Variants in ABCA8 observed in about 807,000 individuals in gnomAD.
ABCA8 encodes the protein ABC-type organic anion transporter ABCA8.
In ABCA8, 177 loss-of-function variants were observed where a neutral mutation model predicts 192.3. That is an observed-to-expected ratio of 0.92 (90% confidence interval 0.81 to 1.04). The LOEUF is 1.04. ABCA8 is among the 50% of genes least tolerant of loss of function. The pLI is 0.00. For synonymous variants in ABCA8, 642 were observed against 690.2 expected, an observed-to-expected ratio of 0.93 and a Z score of 1.09; for missense variants, 1,915 against 1,904.8, an observed-to-expected ratio of 1.01 and a Z score of -0.10.
intron 32 of ABCA8, chr17:68,879,297 G>T (rs1425252832): frequency 6.6e-6 from 1 of 152,304 alleles, no homozygotes; most frequent in South Asian, 2.1e-4. Context: ...TTTTATGAAA[G>T]ATTAAATATT....
In ABCA8 at chr17:68,926,640, C is replaced by T. The variant is rs142801531; in HGVS notation, c.1273+1276G>A. ...CTGGAAAAAATCAAATGAAAACATA[C>T]CATATTCAAACAATTCTAATTGTGT... is the stretch of plus-strand genomic sequence containing the variant. On this transcript the variant is annotated intron_variant, in intron 10 of 39. Coordinates refer to ENST00000586539, the MANE Select transcript of ABCA8 (RefSeq NM_001288985.2). Among the ~76,000 whole-genome samples, 82 of 152,210 alleles carry T rather than the reference C, an allele frequency of 5.4e-4. No homozygotes were observed. The East Asian group carries it at 0.011, about 21-fold the overall frequency.
intron 2 of ABCA8, among the ~76,000 whole-genome samples, chr17:68,948,916 G>A (rs2068491246): frequency 6.6e-6 from 1 of 152,072 alleles, no homozygotes; most frequent in South Asian, 2.1e-4. Flanking sequence ...GTTAATTTTT[G>A]TATAAGGTGT....
intron 18 of ABCA8, among the ~76,000 whole-genome samples, chr17:68,906,929 G>T (rs1479824306): frequency 6.6e-6 from 1 of 152,054 alleles, no homozygotes; most frequent in African/African-American, 2.4e-5. Flanking sequence ...TAATACTAGG[G>T]TGATTACAGA....
In ABCA8 at chr17:68,898,404, A is replaced by C. The variant is rs991566273; in HGVS notation, c.2765-3391T>G. ...TAAAAAATGATGAAGGTAGAATAGA[A>C]CTTTTTTCCAAGATAAACAAAAATG... On this transcript the variant is annotated intron_variant, in intron 21 of 39. Coordinates refer to ENST00000586539, the MANE Select transcript of ABCA8 (RefSeq NM_001288985.2). 6.6e-5 allele frequency among the ~76,000 whole-genome samples: 10 copies of C among 152,254 alleles called. 1 individual carries two copies. The highest frequency in any genetic ancestry group is 6.5e-4 in the Admixed American group (10 of 15,274).
At position 68,876,439 on chromosome 17, in the gene ABCA8, G is replaced by C. The variant is rs2066207316; in HGVS notation, c.4370+21C>G. Reference sequence around the variant, plus strand: ...CATGCAAGTCATCCGTGCTGTCCCTGACCGTGGTAATGTTCCTCACCACAT... The same window carrying C: ...CATGCAAGTCATCCGTGCTGTCCCTCACCGTGGTAATGTTCCTCACCACAT... On this transcript the variant is annotated intron_variant, in intron 35 of 39. Coordinates refer to ENST00000586539, the MANE Select transcript of ABCA8 (RefSeq NM_001288985.2). 1.9e-6 allele frequency: 3 copies of C among 1,613,570 alleles called. No individual in the cohort carries two copies. In the African/African-American group the frequency reaches 4.0e-5, roughly 22 times the overall value.
At chr17:68,886,852 T>C (rs2066473545) in intron 26 of ABCA8, 165 bp downstream of exon 26, 3 of 381,296 alleles carry the variant, frequency 7.9e-6, no homozygotes, top group African/African-American at 4.2e-5. Context: ...ATTAGGGACT[T>C]TGGTGAAGTA....
intron 29 of ABCA8, 120 bp downstream of exon 29, chr17:68,883,671 G>T (rs2066390020): frequency 3.2e-6 from 2 of 629,326 alleles, no homozygotes; most frequent in Non-Finnish European, 5.5e-6. Flanking sequence ...ATGGGCACAT[G>T]GTTCCTACTC....
intron 3 of ABCA8, 53 bp downstream of exon 3, chr17:68,941,886 C>A (rs573887581): frequency 2.3e-6 from 3 of 1,316,750 alleles, no homozygotes; most frequent in East Asian, 4.6e-5. Flanking sequence ...AACTCCCAGG[C>A]AACACGTATT....
chr17:68,904,299 A>G (rs1408024354), intron 19 of ABCA8, among the ~76,000 whole-genome samples: 1 of 7,130 alleles, frequency 1.4e-4, no homozygotes, highest in Non-Finnish European at 2.8e-4. Flanking sequence ...AGAAATAATA[A>G]TAATAATAAT....
At chr17:68,895,743 C>T (rs1353257119) in intron 21 of ABCA8, among the ~76,000 whole-genome samples, 1 of 152,124 alleles carries the variant, frequency 6.6e-6, no homozygotes, top group Non-Finnish European at 1.5e-5. Context: ...GGCTTCCCAT[C>T]GACTTTTCTC....
chr17:68,909,749 A>G (rs1377964857), intron 17 of ABCA8, among the ~76,000 whole-genome samples: 2 of 152,120 alleles, frequency 1.3e-5, no homozygotes, highest in Non-Finnish European at 2.9e-5. Context: ...TACATGAGAT[A>G]TTTTTCAAAT....
chr17:68,887,911 T>TATCC (rs1555607398), intron 24 of ABCA8, among the ~76,000 whole-genome samples: 21 of 19,958 alleles, frequency 1.1e-3, no homozygotes, highest in African/African-American at 1.6e-3. Context: ...TATATATCCA[T>TATCC]ATATATATAT....
At chr17:68,939,720 T>C (rs1321962849) in intron 4 of ABCA8, among the ~76,000 whole-genome samples, 1 of 152,122 alleles carries the variant, frequency 6.6e-6, no homozygotes, top group African/African-American at 2.4e-5. Context: ...AATACTCTGC[T>C]CTTTTAAGCT....
intron 17 of ABCA8, among the ~76,000 whole-genome samples, chr17:68,914,850 AAAG>A (rs367870786): frequency 1.2e-3 from 190 of 152,136 alleles, no homozygotes; most frequent in African/African-American, 4.5e-3. Context: ...TTCTTAGCAA[AAAG>A]AACAAAACTG....
rs114561320 is a variant in ABCA8 at position 68,903,559 on chromosome 17, C to G, written c.2399-60G>C. ...TTATTGAGCTTACTATAGAGATTGG[C>G]TCTGCTAAGCATCTCATGATTAGAC... On this transcript the variant is annotated intron_variant, in intron 19 of 39. Coordinates refer to ENST00000586539, the MANE Select transcript of ABCA8 (RefSeq NM_001288985.2). The G allele has an allele frequency of 2.3e-3, 3,535 of 1,528,782 alleles. 62 individuals are homozygous for G. In the African/African-American group the frequency reaches 0.03, roughly 13 times the overall value. 94.7% of individuals were successfully genotyped at this position (1,528,782 alleles called of 1,614,324 possible).
chr17:68,870,436 A>G (rs147667553), intron 37 of ABCA8, among the ~76,000 whole-genome samples: 242 of 152,334 alleles, frequency 1.6e-3, no homozygotes, highest in African/African-American at 5.5e-3. Flanking sequence ...GACAAAAGAG[A>G]GTATAATGAG....
intron 12 of ABCA8, 31 bp downstream of exon 12, chr17:68,922,192 CTCTTTTTTTTTTTTTTTTT>C (rs2067554062): frequency 2.1e-6 from 1 of 477,590 alleles, no homozygotes; most frequent in African/African-American, 4.2e-5. Flanking sequence ...CTTTCTCTCT[CTCTTTTTTTTTTTTTTTTT>C]TTTTTTTTTT....
intron 28 of ABCA8, 124 bp downstream of exon 28, chr17:68,884,207 A>G (rs1207998146): frequency 2.1e-6 from 2 of 949,960 alleles, no homozygotes; most frequent in East Asian, 3.0e-5. Flanking sequence ...CAAGCATTAT[A>G]TCTCCTTGGG....
At chr17:68,874,401 C>T (rs887315847) in intron 37 of ABCA8, among the ~76,000 whole-genome samples, 5 of 152,166 alleles carry the variant, frequency 3.3e-5, no homozygotes, top group Admixed American at 6.5e-5. Flanking sequence ...TAGGCAACAA[C>T]ATTTTTTAAT....
Sources: allele counts gnomAD v4.1 joint callset (sites outside exome capture counted in the v4.1 genomes callset), GRCh38; gene constraint gnomAD v4.1.1; transcripts MANE v1.5; gene names NCBI Gene and HGNC (gene_info 2026-07-23, HGNC 2026-07-21).